Variants in SUSD6 observed in about 807,000 individuals in gnomAD.
SUSD6 encodes sushi domain-containing protein 6.
In SUSD6, 16 loss-of-function variants were observed where a neutral mutation model predicts 28.4. The ratio of observed to expected loss-of-function variants is 0.56; its 90% CI spans 0.38 to 0.86. SUSD6 has a LOEUF of 0.86. Among genes scored for constraint, SUSD6 ranks in the 40% least tolerant of loss-of-function variants. The pLI is 0.00. For synonymous variants in SUSD6, 147 were observed against 159.6 expected, an observed-to-expected ratio of 0.92 and a Z score of 0.59; for missense variants, 341 against 384.2, an observed-to-expected ratio of 0.89 and a Z score of 0.94.
At chr14:69,613,306 C>G (rs1884909868) in intron 1 of SUSD6, among the ~76,000 whole-genome samples, 1 of 152,170 alleles carries the variant, frequency 6.6e-6, no homozygotes, top group Non-Finnish European at 1.5e-5. Flanking sequence ...ACATAGGTAT[C>G]TCATGGTGGA....
rs544527571 is a variant in SUSD6, at chr14:69,648,923, T to A, written c.-80-9590T>A. ...CTGCCATCCTTTTGGTGAGTTGTTC[T>A]TCCATTTCTTTATCTTTCTTTGTAA... On this transcript the variant is annotated intron_variant, in intron 1 of 5. Transcript: ENST00000342745. Among the ~76,000 whole-genome samples, 3 of 152,344 alleles carry A rather than the reference T, an allele frequency of 2.0e-5. No homozygotes were observed. The South Asian group carries it at 6.2e-4, about 32-fold the overall frequency.
intron 2 of SUSD6, among the ~76,000 whole-genome samples, chr14:69,678,497 G>A (rs1885948567): frequency 6.6e-6 from 1 of 152,016 alleles, no homozygotes; most frequent in African/African-American, 2.4e-5. Context: ...GACTCCAGTT[G>A]TTCACTGTTA....
intron 2 of SUSD6, among the ~76,000 whole-genome samples, chr14:69,658,935 C>T (rs571375880): frequency 7.9e-5 from 12 of 152,190 alleles, no homozygotes; most frequent in Admixed American, 3.9e-4. Flanking sequence ...AACCTTGTCA[C>T]CCCTCTCCCC....
chr14:69,672,780 C>T (rs941705516), intron 2 of SUSD6, among the ~76,000 whole-genome samples: 1 of 152,200 alleles, frequency 6.6e-6, no homozygotes, highest in Non-Finnish European at 1.5e-5. Flanking sequence ...AGGGTGGGAT[C>T]TGAGCAGATC....
At chr14:69,632,588 A>G (rs1885210940) in intron 1 of SUSD6, among the ~76,000 whole-genome samples, 1 of 151,914 alleles carries the variant, frequency 6.6e-6, no homozygotes. Context: ...TCCTTTCTGT[A>G]TCATCTCATT....
At chr14:69,639,457 A>G (rs1885317407) in intron 1 of SUSD6, among the ~76,000 whole-genome samples, 1 of 152,270 alleles carries the variant, frequency 6.6e-6, no homozygotes, top group Non-Finnish European at 1.5e-5. Context: ...TTACATGTCC[A>G]GAATCACAGC....
At chr14:69,682,947 CTTTTTTTTTTTTTT>C (rs5809442) in intron 2 of SUSD6, among the ~76,000 whole-genome samples, 2 of 62,668 alleles carry the variant, frequency 3.2e-5, no homozygotes, top group African/African-American at 9.5e-5. Context: ...TCCAAGAAGC[CTTTTTTTTTTTTTT>C]TTTTTTTTTT....
chr14:69,622,917 G>T (rs149043550), intron 1 of SUSD6, among the ~76,000 whole-genome samples: 1 of 152,256 alleles, frequency 6.6e-6, no homozygotes, highest in East Asian at 1.9e-4. Flanking sequence ...GTAAGATATC[G>T]CATACTGTCA....
At chr14:69,641,010 TACTCAAC>T (rs1341312524) in intron 1 of SUSD6, among the ~76,000 whole-genome samples, 1 of 152,236 alleles carries the variant, frequency 6.6e-6, no homozygotes, top group Non-Finnish European at 1.5e-5. Flanking sequence ...CTCACCCTTG[TACTCAAC>T]ACTAGGCCTT....
intron 4 of SUSD6, among the ~76,000 whole-genome samples, chr14:69,706,898 T>A (rs924221076): frequency 3.3e-5 from 5 of 152,106 alleles, no homozygotes; most frequent in Non-Finnish European, 5.9e-5. Context: ...CTTGAATTGA[T>A]GAGCTGAAAG....
chr14:69,667,522 AC>A (rs1487967131), intron 2 of SUSD6, among the ~76,000 whole-genome samples: 1 of 147,636 alleles, frequency 6.8e-6, no homozygotes, highest in African/African-American at 2.5e-5. Flanking sequence ...GACTACAGAC[AC>A]CCGCCGCCAC....
chr14:69,704,680 T>C lies in SUSD6; in HGVS notation c.396T>C (p.Ile132=), dbSNP rs1163638146. 1.2e-6 allele frequency: 2 copies of C among 1,614,158 alleles called. No homozygotes were observed. The highest frequency in any genetic ancestry group is 1.7e-6 in the Non-Finnish European group (2 of 1,180,020). The change falls in exon 4 of 6, where the codon ATT becomes ATC. Residue 132 remains isoleucine (I), a synonymous_variant. Coordinates refer to ENST00000342745, the MANE Select transcript of SUSD6 (RefSeq NM_014734.4). ...VASTASSVAL[I]LLLVVLFVLL... ...CTACTGCCAGCTCCGTGGCGCTCATTCTCCTCCTCGTGGTGCTGTTTGTGC... is the reference window on the plus strand; with the variant it reads ...CTACTGCCAGCTCCGTGGCGCTCATCCTCCTCCTCGTGGTGCTGTTTGTGC...
rs563808625 is a variant in SUSD6, at chr14:69,698,066, G to A, written c.122-5329G>A. 7.9e-5 allele frequency among the ~76,000 whole-genome samples: 12 copies of A among 152,368 alleles called. No individual in the cohort carries two copies. In the East Asian group the frequency reaches 1.9e-3, roughly 24 times the overall value. ...AAAGGGGCTGGATGCGCTGGCTCAC[G>A]CCTGTAATCCCAACACTTTGGGAGG... is the stretch of plus-strand genomic sequence containing the variant. On this transcript the variant is annotated intron_variant, in intron 2 of 5. Transcript: ENST00000342745.
chr14:69,633,280 T>C (rs1179609966), intron 1 of SUSD6, among the ~76,000 whole-genome samples: 2 of 152,264 alleles, frequency 1.3e-5, no homozygotes, highest in Non-Finnish European at 2.9e-5. Context: ...ACTCAATACT[T>C]TGTGGAATAG....
chr14:69,633,607 C>T (rs1885225591), intron 1 of SUSD6, among the ~76,000 whole-genome samples: 1 of 152,088 alleles, frequency 6.6e-6, no homozygotes, highest in Non-Finnish European at 1.5e-5. Flanking sequence ...TTATTTTGTT[C>T]ATAACTCACA....
intron 1 of SUSD6, among the ~76,000 whole-genome samples, chr14:69,625,644 G>C (rs1163223174): frequency 6.6e-6 from 1 of 152,200 alleles, no homozygotes; most frequent in Non-Finnish European, 1.5e-5. Flanking sequence ...AGAGAAGCCA[G>C]CTTAGAACCA....
intron 1 of SUSD6, among the ~76,000 whole-genome samples, chr14:69,647,236 A>T (rs1460065795): frequency 6.7e-6 from 1 of 149,696 alleles, no homozygotes; most frequent in African/African-American, 2.4e-5. Context: ...CTGAAATTAT[A>T]TCAGGAAGAC....
At chr14:69,656,482 C>T (rs180724376) in intron 1 of SUSD6, among the ~76,000 whole-genome samples, 79 of 152,296 alleles carry the variant, frequency 5.2e-4, no homozygotes, top group Admixed American at 8.5e-4. Flanking sequence ...CTGTCACTGA[C>T]CAGCTGGGGC....
intron 1 of SUSD6, among the ~76,000 whole-genome samples, chr14:69,616,614 CTA>C (rs1884962911): frequency 6.6e-6 from 1 of 152,080 alleles, no homozygotes; most frequent in Non-Finnish European, 1.5e-5. Context: ...TTATAGCAGT[CTA>C]TGCAAACTGT....
Sources: gnomAD v4.1 joint callset for allele counts (sites outside exome capture counted in the v4.1 genomes callset) on GRCh38, gnomAD v4.1.1 for gene constraint, MANE v1.5 for transcripts, NCBI Gene and HGNC (gene_info 2026-07-23, HGNC 2026-07-21) for gene names.